Variants in UCHL3 observed in about 807,000 individuals in gnomAD.
The protein encoded by UCHL3 is ubiquitin carboxyl-terminal hydrolase isozyme L3.
A neutral mutation model predicts 35.8 loss-of-function variants in UCHL3; 22 were observed. That is an observed-to-expected ratio of 0.61 (90% confidence interval 0.44 to 0.88). UCHL3 has a LOEUF of 0.88. Among genes scored for constraint, UCHL3 ranks in the 40% least tolerant of loss-of-function variants. UCHL3 has a pLI of 0.00. For synonymous variants in UCHL3, 90 were observed against 92.8 expected (o/e 0.97, Z 0.17); for missense variants, 229 against 276.9 (o/e 0.83, Z 1.23).
chr13:75,555,207 G>A (rs979430258), intron 2 of UCHL3, among the ~76,000 whole-genome samples: 1 of 152,074 alleles, frequency 6.6e-6, no homozygotes, highest in Non-Finnish European at 1.5e-5. Flanking sequence ...TTCATGGTAG[G>A]TTCTTGTCAT....
chr13:75,573,416 G>T (rs1014455083), intron 6 of UCHL3, among the ~76,000 whole-genome samples: 6 of 152,052 alleles, frequency 3.9e-5, no homozygotes, highest in African/African-American at 1.4e-4. Context: ...GTATTAGTTT[G>T]CTTGGGCATT....
At chr13:75,568,261 G>A (rs185316046) in intron 5 of UCHL3, among the ~76,000 whole-genome samples, 43 of 152,046 alleles carry the variant, frequency 2.8e-4, no homozygotes, top group Admixed American at 4.6e-4. Flanking sequence ...TATTTGGTTA[G>A]AACAATGCCT....
intron 2 of UCHL3, among the ~76,000 whole-genome samples, chr13:75,554,175 ACCT>A (rs1371542270): frequency 6.6e-6 from 1 of 151,958 alleles, no homozygotes; most frequent in African/African-American, 2.4e-5. Flanking sequence ...CACTCCTCAC[ACCT>A]CAGCCTTCCA....
chr13:75,584,904 C>A (rs1200479040), intron 6 of UCHL3, among the ~76,000 whole-genome samples: 2 of 151,914 alleles, frequency 1.3e-5, no homozygotes, highest in Admixed American at 1.3e-4. Flanking sequence ...GGAAATTACC[C>A]AAACTTACTC....
chr13:75,605,314 C>G (rs955933107), intron 8 of UCHL3, among the ~76,000 whole-genome samples: 13 of 152,218 alleles, frequency 8.5e-5, no homozygotes, highest in African/African-American at 3.1e-4. Context: ...TCGAGACCAG[C>G]CTGACCAATA....
At position 75,576,599 on chromosome 13, in the gene UCHL3, C is replaced by G. The variant is rs915571048; in HGVS notation, c.474+7092C>G. ...TCGATCTCCTGACCTCGTGATCCAC[C>G]CGCCTCAGCCTCCCAAAGTGTTGAG... On this transcript the variant is annotated intron_variant, in intron 6 of 8. Transcript: ENST00000377595. Among the ~76,000 whole-genome samples, 10 of 152,198 alleles carry G rather than the reference C, an allele frequency of 6.6e-5. No individual in the cohort carries two copies. In the East Asian group the frequency reaches 1.9e-3, roughly 29 times the overall value.
At chr13:75,583,644 ATACT>A (rs1260079448) in intron 6 of UCHL3, among the ~76,000 whole-genome samples, 2 of 152,200 alleles carry the variant, frequency 1.3e-5, no homozygotes, top group East Asian at 3.8e-4. Context: ...GCATATATAG[ATACT>A]TGTGTGCACA....
chr13:75,553,792 T>C (rs2031196698), intron 2 of UCHL3, among the ~76,000 whole-genome samples: 1 of 152,222 alleles, frequency 6.6e-6, no homozygotes, highest in Non-Finnish European at 1.5e-5. Flanking sequence ...TTAAAGTTAA[T>C]ATGGCCAAAA....
chr13:75,584,523 G>A (rs1421997208), intron 6 of UCHL3, among the ~76,000 whole-genome samples: 1 of 152,144 alleles, frequency 6.6e-6, no homozygotes, highest in Non-Finnish European at 1.5e-5. Flanking sequence ...CATACACTAA[G>A]TTGTAGCAGA....
intron 6 of UCHL3, among the ~76,000 whole-genome samples, chr13:75,587,950 G>A (rs2032372433): frequency 6.6e-6 from 1 of 152,010 alleles, no homozygotes; most frequent in Non-Finnish European, 1.5e-5. Flanking sequence ...ATCCACCCTA[G>A]CTCTGTCTGT....
At chr13:75,571,737 T>G (rs2031863450) in intron 6 of UCHL3, among the ~76,000 whole-genome samples, 1 of 152,182 alleles carries the variant, frequency 6.6e-6, no homozygotes, top group South Asian at 2.1e-4. Context: ...CAGATAGAAG[T>G]TAGGATTTTC....
At chr13:75,593,968 A>G (rs2032577765) in intron 6 of UCHL3, among the ~76,000 whole-genome samples, 2 of 152,182 alleles carry the variant, frequency 1.3e-5, no homozygotes, top group African/African-American at 4.8e-5. Flanking sequence ...AATTTGATTT[A>G]TGCCATTTGA....
At chr13:75,565,106 A>AT (rs920256653) in intron 3 of UCHL3, among the ~76,000 whole-genome samples, 8 of 151,774 alleles carry the variant, frequency 5.3e-5, no homozygotes, top group Non-Finnish European at 1.0e-4. Context: ...TCTTGGCCTT[A>AT]TTTTTTTTAA....
In UCHL3 at chr13:75,549,815, G is replaced by A. The variant is rs148862350; in HGVS notation, c.-6G>A. 951 of 1,554,734 alleles carry A rather than the reference G, an allele frequency of 6.1e-4. 11 individuals carry two copies. The African/African-American group carries it at 0.011, about 19-fold the overall frequency. ...TGTCAGAGCTGGAGGGCCGGGCACC[G>A]CGGCCATGGAGGGTCAACGCTGGCT... On this transcript the variant is annotated 5_prime_UTR_variant, in exon 1 of 9. Transcript: ENST00000377595.
At chr13:75,565,336 G>A (rs1298131515) in intron 3 of UCHL3, among the ~76,000 whole-genome samples, 1 of 152,142 alleles carries the variant, frequency 6.6e-6, no homozygotes, top group Non-Finnish European at 1.5e-5. Context: ...CATGAATAAT[G>A]TCCATTTATT....
At chr13:75,596,176 C>A (rs1044947023) in intron 7 of UCHL3, among the ~76,000 whole-genome samples, 4 of 152,050 alleles carry the variant, frequency 2.6e-5, no homozygotes, top group African/African-American at 7.2e-5. Context: ...AGCAACAGAT[C>A]GCATACTTTA....
intron 6 of UCHL3, among the ~76,000 whole-genome samples, chr13:75,587,035 A>AAG (rs1566224868): frequency 1.3e-5 from 2 of 150,898 alleles, no homozygotes; most frequent in African/African-American, 4.8e-5. Context: ...AAAAAAAAAA[A>AAG]GAGCAAATTA....
At chr13:75,559,065 A>T (rs1481471374) in intron 2 of UCHL3, among the ~76,000 whole-genome samples, 5 of 78,142 alleles carry the variant, frequency 6.4e-5, no homozygotes, top group Non-Finnish European at 1.1e-4. Context: ...TTTGAGACGG[A>T]GTCTGGCTCT....
intron 6 of UCHL3, among the ~76,000 whole-genome samples, chr13:75,594,252 A>G (rs771979508): frequency 8.7e-4 from 133 of 152,238 alleles, no homozygotes; most frequent in Non-Finnish European, 1.5e-3. Flanking sequence ...GCATCAAAGC[A>G]AGAGAAAAAT....
Sources: gnomAD v4.1 joint callset for allele counts (sites outside exome capture counted in the v4.1 genomes callset) on GRCh38, gnomAD v4.1.1 for gene constraint, MANE v1.5 for transcripts, NCBI Gene and HGNC (gene_info 2026-07-23, HGNC 2026-07-21) for gene names.